The following SCAPER variants were observed in gnomAD, a reference collection of about 807,000 sequenced individuals.
SCAPER encodes the protein S-phase cyclin A associated protein in the ER.
In SCAPER, 98 loss-of-function variants were observed where a neutral mutation model predicts 182.2. That is an observed-to-expected ratio of 0.54 (90% CI 0.46 to 0.64). The LOEUF (loss-of-function observed/expected upper bound fraction) is 0.64. Ranked by LOEUF, SCAPER falls within the 30% of genes least tolerant of loss-of-function variation. SCAPER has a pLI of 0.00. For missense variants in SCAPER, 1,432 were observed against 1,690.0 expected (o/e 0.85, Z 2.68); for synonymous variants, 605 against 564.6 (o/e 1.07, Z -1.01).
intron 5 of SCAPER, among the ~76,000 whole-genome samples, chr15:76,828,595 C>T (rs2068200545): frequency 6.6e-6 from 1 of 151,908 alleles, no homozygotes; most frequent in Non-Finnish European, 1.5e-5. Context: ...ACTTATTTAA[C>T]CAATCAAACA....
At chr15:76,458,928 T>C (rs2048944996) in intron 25 of SCAPER, among the ~76,000 whole-genome samples, 1 of 152,124 alleles carries the variant, frequency 6.6e-6, no homozygotes, top group Admixed American at 6.5e-5. Flanking sequence ...AAGGTTTCAT[T>C]CTGTTGTCCA....
chr15:76,617,145 G>A (rs1231181857), intron 22 of SCAPER, among the ~76,000 whole-genome samples: 1 of 152,004 alleles, frequency 6.6e-6, no homozygotes, highest in African/African-American at 2.4e-5. Flanking sequence ...CAAGCATAAA[G>A]TTTTCACTTT....
At chr15:76,713,330 A>G (rs542131287) in intron 17 of SCAPER, among the ~76,000 whole-genome samples, 37 of 151,882 alleles carry the variant, frequency 2.4e-4, no homozygotes, top group East Asian at 5.8e-4. Context: ...ACATGCACAC[A>G]TATGTTTATT....
chr15:76,856,021 A>G (rs2071329081), intron 4 of SCAPER: 1 of 175,860 alleles, frequency 5.7e-6, no homozygotes, highest in Non-Finnish European at 1.3e-5. Flanking sequence ...GAATCAACCT[A>G]AATGCCCATC....
intron 21 of SCAPER, among the ~76,000 whole-genome samples, chr15:76,633,761 A>T (rs2053358978): frequency 6.6e-6 from 1 of 152,184 alleles, no homozygotes; most frequent in Non-Finnish European, 1.5e-5. Flanking sequence ...CAAAATGCCC[A>T]GTCTTACTGG....
rs761627675 is a variant in SCAPER, at chr15:76,351,304, A to G, written c.4048-16T>C. 1.2e-6 allele frequency: 2 copies of G among 1,602,354 alleles called. No individual in the cohort carries two copies. Among genetic ancestry groups the G allele is most frequent in the Non-Finnish European group, 1.7e-6 (2 of 1,174,364 alleles). On this transcript the variant is annotated splice_polypyrimidine_tract_variant and intron_variant, in intron 30 of 31. Coordinates refer to ENST00000563290, the MANE Select transcript of SCAPER (RefSeq NM_020843.4). ...GTGCCAAATCCTGTATGAGGAGAGAAAAGTGTTTTTCTATCAATGCTATGA... is the reference window on the plus strand; with the variant it reads ...GTGCCAAATCCTGTATGAGGAGAGAGAAGTGTTTTTCTATCAATGCTATGA...
intron 20 of SCAPER, among the ~76,000 whole-genome samples, chr15:76,684,907 T>A (rs2057941188): frequency 6.6e-6 from 1 of 151,900 alleles, no homozygotes; most frequent in Admixed American, 6.6e-5. Flanking sequence ...TCCTAACTTA[T>A]TGTATGAGAA....
At chr15:76,776,593 G>A (rs1054886280) in intron 8 of SCAPER, among the ~76,000 whole-genome samples, 4 of 152,152 alleles carry the variant, frequency 2.6e-5, no homozygotes, top group Non-Finnish European at 4.4e-5. Flanking sequence ...AGATTTGTTT[G>A]ACACTGGGAT....
At chr15:76,399,211 C>T (rs751539259) in intron 27 of SCAPER, among the ~76,000 whole-genome samples, 12 of 152,266 alleles carry the variant, frequency 7.9e-5, no homozygotes, top group African/African-American at 2.2e-4. Flanking sequence ...CATCTCGGCT[C>T]GCTGCAACCT....
At chr15:76,375,739 T>C (rs1219168993) in intron 29 of SCAPER, among the ~76,000 whole-genome samples, 1 of 152,200 alleles carries the variant, frequency 6.6e-6, no homozygotes, top group Non-Finnish European at 1.5e-5. Context: ...TCTCAGCACT[T>C]TGGGAGGCCA....
chr15:76,355,944 G>C, intron 29 of SCAPER, among the ~76,000 whole-genome samples: 1 of 152,206 alleles, frequency 6.6e-6, no homozygotes, highest in Admixed American at 6.5e-5. Flanking sequence ...AATGGATGTA[G>C]GCAGTTTGGT....
chr15:76,484,197 G>T (rs1198794254), intron 24 of SCAPER, among the ~76,000 whole-genome samples: 1 of 151,956 alleles, frequency 6.6e-6, no homozygotes, highest in Non-Finnish European at 1.5e-5. Context: ...GAGACATGAG[G>T]GAACCTTAAA....
chr15:76,783,353 T>G (rs989174317), intron 8 of SCAPER, among the ~76,000 whole-genome samples: 1 of 152,174 alleles, frequency 6.6e-6, no homozygotes, highest in Non-Finnish European at 1.5e-5. Context: ...AATCTCTGAA[T>G]AGACCAACAG....
At chr15:76,771,985 A>C (rs1456353931) in intron 9 of SCAPER, 31 bp from the exon 10 acceptor site, 4 of 1,502,218 alleles carry the variant, frequency 2.7e-6, no homozygotes, top group Non-Finnish European at 3.7e-6. Flanking sequence ...AATCAGAGAT[A>C]ATTAAAAAAT....
chr15:76,618,338 T>G (rs980460561), intron 22 of SCAPER, among the ~76,000 whole-genome samples: 2 of 152,210 alleles, frequency 1.3e-5, no homozygotes, highest in South Asian at 2.1e-4. Flanking sequence ...GCTTTAAAAT[T>G]TTATTAAATA....
At chr15:76,365,776 G>C (rs6495202) in intron 29 of SCAPER, among the ~76,000 whole-genome samples, 147,921 of 152,250 alleles carry the variant, frequency 0.97, 71,992 homozygotes, top group South Asian at 1. Context: ...TTCCAGTGAC[G>C]TGGAGTAAGT....
intron 23 of SCAPER, among the ~76,000 whole-genome samples, chr15:76,545,789 G>A (rs975527003): frequency 1.3e-5 from 2 of 152,064 alleles, no homozygotes; most frequent in African/African-American, 4.8e-5. Context: ...GGAATATGTG[G>A]AACAGAATAC....
intron 4 of SCAPER, among the ~76,000 whole-genome samples, chr15:76,857,290 G>A (rs528869312): frequency 1.3e-4 from 19 of 151,950 alleles, no homozygotes; most frequent in African/African-American, 4.3e-4. Flanking sequence ...AAAATTAGCC[G>A]GGCATGGTGA....
intron 1 of SCAPER, among the ~76,000 whole-genome samples, chr15:76,885,737 A>T (rs764611722): frequency 2.0e-5 from 3 of 152,146 alleles, no homozygotes; most frequent in African/African-American, 4.8e-5. Context: ...CACCCACCTC[A>T]GCCTCCCAAA....
Sources: gnomAD v4.1 joint callset for allele counts (sites outside exome capture counted in the v4.1 genomes callset) on GRCh38, gnomAD v4.1.1 for gene constraint, MANE v1.5 for transcripts, NCBI Gene and HGNC (gene_info 2026-07-23, HGNC 2026-07-21) for gene names.